The following TRUB2 variants were observed in gnomAD, a reference collection of about 807,000 sequenced individuals.
The protein encoded by TRUB2 is TruB pseudouridine synthase family member 2.
In TRUB2, 31 loss-of-function variants were observed where a neutral mutation model predicts 31.9. The ratio of observed to expected loss-of-function variants is 0.97; its 90% CI spans 0.73 to 1.31. The LOEUF (loss-of-function observed/expected upper bound fraction) is 1.31. Ranked by LOEUF, TRUB2 falls within the 50% of genes most tolerant of loss-of-function variation. The pLI, the probability that TRUB2 is intolerant of heterozygous loss-of-function variation, is 0.00. For missense variants in TRUB2, 451 were observed against 439.6 expected (o/e 1.03, Z -0.23); for synonymous variants, 201 against 182.6 (o/e 1.10, Z -0.81).
In TRUB2 at chr9:128,321,592, G is replaced by T; in HGVS notation, c.241+7C>A. The T allele has an allele frequency of 6.2e-7, 1 of 1,613,942 alleles. No individual in the cohort carries two copies. Among genetic ancestry groups the T allele is most frequent in the Non-Finnish European group, 8.5e-7 (1 of 1,179,914 alleles). ...GACACACAGGATCCTGCTTAAATCT[G>T]CCTTACCCAGTGGATGGTTGATGAA... is the stretch of plus-strand genomic sequence containing the variant. On this transcript the variant is annotated splice_region_variant and intron_variant, in intron 2 of 7. Coordinates refer to ENST00000372890, the MANE Select transcript of TRUB2 (RefSeq NM_015679.3).
At chr9:128,319,377 G>T (rs1266431016) in intron 2 of TRUB2, among the ~76,000 whole-genome samples, 12 of 151,440 alleles carry the variant, frequency 7.9e-5, no homozygotes, top group Admixed American at 5.9e-4. Context: ...TGTAGTCCCA[G>T]CTACTCGGGA....
Position 128,322,325 on chromosome 9 carries a change from A to T in TRUB2, c.84T>A (p.Asp28Glu). The T allele has an allele frequency of 6.2e-7, 1 of 1,614,134 alleles. No homozygotes were observed. Among genetic ancestry groups the T allele is most frequent in the Non-Finnish European group, 8.5e-7 (1 of 1,180,014 alleles). Residue 28 changes from aspartate (D) to glutamate (E), a missense_variant, in exon 1 of 8, where the codon GAT becomes GAA. Transcript: ENST00000372890. ...PPGLKWKHLRDTVELQLLKGL... is the reference protein window; with the variant it reads ...PPGLKWKHLRETVELQLLKGL... The stretch of plus-strand genomic sequence containing the variant: ...CCTTCAGAAGTTGTAGCTCCACTGT[A>T]TCCCGCAGGTGCTTCCATTTTAGCC...
chr9:128,312,953 C>G (rs1430786513), intron 5 of TRUB2, among the ~76,000 whole-genome samples: 1 of 151,770 alleles, frequency 6.6e-6, no homozygotes, highest in Non-Finnish European at 1.5e-5. Context: ...TGGTGACTCA[C>G]ACCTGTAATC....
At chr9:128,322,227 G>T (rs1364083504) in intron 1 of TRUB2, 73 bp downstream of exon 1, 7 of 1,332,914 alleles carry the variant, frequency 5.3e-6, no homozygotes, top group East Asian at 2.3e-5. Flanking sequence ...TTGTTTTGGG[G>T]TAAGGACCAG....
intron 2 of TRUB2, among the ~76,000 whole-genome samples, chr9:128,318,696 C>T (rs1832109541): frequency 6.6e-6 from 1 of 151,870 alleles, no homozygotes. Flanking sequence ...CCATACCTAG[C>T]TAATTTTTTG....
chr9:128,314,129 CA>C (rs1414135035), intron 4 of TRUB2, among the ~76,000 whole-genome samples: 5 of 152,170 alleles, frequency 3.3e-5, no homozygotes, highest in Non-Finnish European at 5.9e-5. Context: ...GTAACAGGGC[CA>C]GTCTCACAGT....
At chr9:128,312,804 G>T (rs550322879) in intron 5 of TRUB2, among the ~76,000 whole-genome samples, 1 of 151,704 alleles carries the variant, frequency 6.6e-6, no homozygotes, top group Non-Finnish European at 1.5e-5. Context: ...TACTAGAGAC[G>T]GGTTTTACCA....
At chr9:128,311,942 T>C (rs1831977948) in intron 5 of TRUB2, among the ~76,000 whole-genome samples, 1 of 150,768 alleles carries the variant, frequency 6.6e-6, no homozygotes, top group Non-Finnish European at 1.5e-5. Flanking sequence ...TTCATGCCAT[T>C]CTCCTGCCTC....
At chr9:128,317,522 G>T (rs987782994) in intron 2 of TRUB2, among the ~76,000 whole-genome samples, 1 of 152,228 alleles carries the variant, frequency 6.6e-6, no homozygotes, top group Non-Finnish European at 1.5e-5. Flanking sequence ...TCCCTGCCCA[G>T]CTCTACTGAG....
Position 128,321,739 on chromosome 9 carries a change from A to C in TRUB2, c.110-9T>G, listed in dbSNP as rs776713859. On this transcript the variant is annotated splice_polypyrimidine_tract_variant and intron_variant, in intron 1 of 7. Coordinates refer to ENST00000372890, the MANE Select transcript of TRUB2 (RefSeq NM_015679.3). The stretch of plus-strand genomic sequence containing the variant: ...CTTCCTGGCATTGAGACCTGAACAC[A>C]CAGAGATAATATATACACACATACA... 7.4e-6 allele frequency: 12 copies of C among 1,612,526 alleles called. No individual in the cohort carries two copies. The highest frequency in any genetic ancestry group is 1.0e-5 in the Non-Finnish European group (12 of 1,179,744).
Position 128,308,690 on chromosome 9 carries a change from C to G in TRUB2, c.*860G>C, listed in dbSNP as rs760102924. 1.3e-5 allele frequency: 2 copies of G among 152,116 alleles called. No individual in the cohort carries two copies. The highest frequency in any genetic ancestry group is 2.9e-5 in the Non-Finnish European group (2 of 68,062). The allele number at this position is 152,116 out of a possible 1,614,324, so 9.4% of individuals were successfully genotyped here. ...GGTCCCGGCCAGGTGCGGTGGCTCA[C>G]GCCTGTAATCCCAGCACTTTGGGAG... On this transcript the variant is annotated 3_prime_UTR_variant, in exon 8 of 8. Transcript: ENST00000372890.
chr9:128,315,559 C>G lies in TRUB2; in HGVS notation c.378+8G>C, dbSNP rs551623025. ...AGGGAGAAGCAGGCTGTCCCCAGAC[C>G]CTCGTACCTTGGTAAGATGAGCATT... On this transcript the variant is annotated splice_region_variant and intron_variant, in intron 4 of 7. Coordinates refer to ENST00000372890, the MANE Select transcript of TRUB2 (RefSeq NM_015679.3). 19 of 1,612,662 alleles carry G rather than the reference C, an allele frequency of 1.2e-5. No individual in the cohort carries two copies. Among genetic ancestry groups the G allele is most frequent in the Non-Finnish European group, 1.5e-5 (18 of 1,179,522 alleles).
intron 1 of TRUB2, 46 bp from the exon 2 acceptor site, chr9:128,321,776 G>A (rs780356010): frequency 1.3e-6 from 2 of 1,555,828 alleles, no homozygotes; most frequent in Non-Finnish European, 1.7e-6. Context: ...ACAAATATAT[G>A]TACATATAAA....
chr9:128,315,949 G>A (rs2131450240), intron 3 of TRUB2: 1 of 374,068 alleles, frequency 2.7e-6, no homozygotes, highest in South Asian at 2.8e-5. Context: ...TCAAATCAGG[G>A]ACAGCTCTGA....
Position 128,315,738 on chromosome 9 carries a change from G to T in TRUB2, c.317-110C>A. 1 of 1,315,684 alleles carries T rather than the reference G, an allele frequency of 7.6e-7. No individual in the cohort carries two copies. The highest frequency in any genetic ancestry group is 1.1e-6 in the Non-Finnish European group (1 of 937,588). 81.5% of individuals were successfully genotyped at this position (1,315,684 alleles called of 1,614,324 possible). A position where few individuals can be genotyped will look rare whatever the true frequency, so the allele number is the denominator to read the frequency against. On this transcript the variant is annotated intron_variant, in intron 3 of 7. Transcript: ENST00000372890. ...TACTCCCTTTTCTGATGCTGCCAAA[G>T]GCAACAAGAAGGCAAAAAGATCTTC...
intron 5 of TRUB2, among the ~76,000 whole-genome samples, chr9:128,313,191 T>C (rs1312728124): frequency 2.1e-5 from 3 of 145,628 alleles, no homozygotes; most frequent in Non-Finnish European, 4.5e-5. Flanking sequence ...CACTCCAGCC[T>C]GGGCGACAGA....
Position 128,315,089 on chromosome 9 carries a change from C to A in TRUB2, c.378+478G>T, listed in dbSNP as rs182356079. 3.2e-3 allele frequency among the ~76,000 whole-genome samples: 493 copies of A among 152,310 alleles called. 1 individual carries two copies. Among genetic ancestry groups the A allele is most frequent in the Non-Finnish European group, 5.9e-3 (404 of 68,032 alleles). ...GTGGTATCAGACTCCATAGCCCCGA[C>A]CCCACCTCTGGATGGTAAGCTCCCT... On this transcript the variant is annotated intron_variant, in intron 4 of 7. Transcript: ENST00000372890.
At chr9:128,309,911 G>C (rs1051932305) in intron 7 of TRUB2, 36 bp from the exon 8 acceptor site, 1 of 1,599,346 alleles carries the variant, frequency 6.3e-7, no homozygotes, top group Admixed American at 1.7e-5. Flanking sequence ...ATGGTGGTGA[G>C]AGCACAGCCT....
rs1831922355 is a variant in TRUB2 at position 128,309,409 on chromosome 9, A to G, written c.*141T>C. ...TTTCCTTCTCAGTTGGGTCAAGTCC[A>G]TTGACCTTTCTGTTACAGCTTGAGT... On this transcript the variant is annotated 3_prime_UTR_variant, in exon 8 of 8. Coordinates refer to ENST00000372890, the MANE Select transcript of TRUB2 (RefSeq NM_015679.3). 1.1e-6 allele frequency: 1 copy of G among 897,534 alleles called. No individual in the cohort carries two copies. The highest frequency in any genetic ancestry group is 1.7e-6 in the Non-Finnish European group (1 of 599,884). 55.6% of individuals were successfully genotyped at this position (897,534 alleles called of 1,614,324 possible).
Sources: allele counts gnomAD v4.1 joint callset (sites outside exome capture counted in the v4.1 genomes callset), GRCh38; gene constraint gnomAD v4.1.1; transcripts MANE v1.5; gene names NCBI Gene and HGNC (gene_info 2026-07-23, HGNC 2026-07-21).